Variants in DPYD observed in about 807,000 individuals in gnomAD.
DPYD encodes the protein dihydropyrimidine dehydrogenase [NADP(+)].
Under a neutral mutation model 116.2 loss-of-function variants are expected in DPYD, and 109 were observed. The ratio of observed to expected loss-of-function variants is 0.94; its 90% confidence interval spans 0.80 to 1.10. DPYD has a LOEUF of 1.10. DPYD is among the 50% of genes least tolerant of loss of function. The pLI is 0.00. For missense variants in DPYD, 1,302 were observed against 1,254.5 expected (o/e 1.04, Z -0.57); for synonymous variants, 440 against 432.0 (o/e 1.02, Z -0.23).
At chr1:97,632,878 T>G (rs2100798476) in intron 8 of DPYD, among the ~76,000 whole-genome samples, 1 of 152,234 alleles carries the variant, frequency 6.6e-6, no homozygotes, top group African/African-American at 2.4e-5. Context: ...CACTCAACAT[T>G]TTTACAATTG....
At chr1:97,799,786 C>T (rs1667759306) in intron 3 of DPYD, among the ~76,000 whole-genome samples, 1 of 151,862 alleles carries the variant, frequency 6.6e-6, no homozygotes, top group South Asian at 2.1e-4. Flanking sequence ...GTATTTTATA[C>T]CTGCAGCATT....
At chr1:97,127,244 A>G (rs976093948) in intron 20 of DPYD, among the ~76,000 whole-genome samples, 1 of 152,168 alleles carries the variant, frequency 6.6e-6, no homozygotes, top group Admixed American at 6.6e-5. Context: ...AAAACAGAAC[A>G]TGGAAACTAC....
At position 97,920,890 on chromosome 1, in the gene DPYD, G is replaced by T; in HGVS notation, c.33C>A (p.Asp11Glu). MAPVLSKDSA[D>E]IESILALNPR... ...GCCGGCGCGAAGTCCGTACCTCGAT[G>T]TCCGCCGAGTCCTTACTGAGCACAG... Residue 11 changes from aspartate to glutamate, a missense_variant, in exon 1 of 23, where the codon GAC becomes GAA. Coordinates refer to ENST00000370192, the MANE Select transcript of DPYD (RefSeq NM_000110.4). 1 of 1,593,016 alleles carries T rather than the reference G, an allele frequency of 6.3e-7. No individual in the cohort carries two copies. The highest frequency in any genetic ancestry group is 8.5e-7 in the Non-Finnish European group (1 of 1,170,228).
At chr1:97,695,607 T>C (rs1384271567) in intron 6 of DPYD, among the ~76,000 whole-genome samples, 2 of 150,872 alleles carry the variant, frequency 1.3e-5, no homozygotes, top group Non-Finnish European at 3.0e-5. Context: ...ATATATATAC[T>C]GAAGGAAGGA....
chr1:97,233,428 T>C (rs1279288993), intron 19 of DPYD, among the ~76,000 whole-genome samples: 1 of 151,924 alleles, frequency 6.6e-6, no homozygotes, highest in Non-Finnish European at 1.5e-5. Flanking sequence ...TGATATGGGA[T>C]GGGGGTGAGG....
intron 12 of DPYD, among the ~76,000 whole-genome samples, chr1:97,517,408 G>A (rs1373616343): frequency 6.6e-6 from 1 of 152,088 alleles, no homozygotes; most frequent in Non-Finnish European, 1.5e-5. Flanking sequence ...ACGCATGGAT[G>A]TTAACAATGA....
chr1:97,446,175 T>C (rs1431371708), intron 14 of DPYD, among the ~76,000 whole-genome samples: 4 of 152,154 alleles, frequency 2.6e-5, no homozygotes, highest in Non-Finnish European at 1.5e-5. Flanking sequence ...ACATCAAAAT[T>C]TGAGTAGTTA....
At chr1:97,647,359 T>C (rs1658327196) in intron 8 of DPYD, among the ~76,000 whole-genome samples, 1 of 152,044 alleles carries the variant, frequency 6.6e-6, no homozygotes, top group Admixed American at 6.6e-5. Context: ...GAGCCAAATG[T>C]CTATCTGATT....
chr1:97,390,437 T>G (rs1672630451), intron 14 of DPYD, among the ~76,000 whole-genome samples: 1 of 152,056 alleles, frequency 6.6e-6, no homozygotes, highest in South Asian at 2.1e-4. Context: ...TAATTAACCA[T>G]ACAACATTCA....
intron 5 of DPYD, among the ~76,000 whole-genome samples, chr1:97,719,431 A>G (rs1662799009): frequency 6.6e-6 from 1 of 151,964 alleles, no homozygotes; most frequent in Non-Finnish European, 1.5e-5. Flanking sequence ...ATTTGGTTGA[A>G]AAAATAGATT....
intron 20 of DPYD, among the ~76,000 whole-genome samples, chr1:97,138,529 C>G (rs1472627598): frequency 6.6e-6 from 1 of 152,000 alleles, no homozygotes; most frequent in East Asian, 1.9e-4. Flanking sequence ...AAATATAATC[C>G]GGTGAGCTTG....
Position 97,793,576 on chromosome 1 carries a change from G to A in DPYD, c.233+34538C>T, listed in dbSNP as rs1363311010. 2.0e-5 allele frequency among the ~76,000 whole-genome samples: 3 copies of A among 152,052 alleles called. No individual in the cohort carries two copies. The East Asian group carries it at 5.8e-4, about 29-fold the overall frequency. On this transcript the variant is annotated intron_variant, in intron 3 of 22. Transcript: ENST00000370192. Reference sequence around the variant, plus strand: ...ATACTGACAACTGGTTTTCATAAAAGTGCAAAGTCAATTCCGTGGAGAAAT... The same window carrying A: ...ATACTGACAACTGGTTTTCATAAAAATGCAAAGTCAATTCCGTGGAGAAAT...
chr1:97,620,047 A>C lies in DPYD; in HGVS notation c.851-24881T>G, dbSNP rs547256080. 9.5e-4 allele frequency among the ~76,000 whole-genome samples: 144 copies of C among 152,152 alleles called. 1 individual carries two copies. Among genetic ancestry groups the C allele is most frequent in the African/African-American group, 3.0e-3 (123 of 41,500 alleles). On this transcript the variant is annotated intron_variant, in intron 8 of 22. Coordinates refer to ENST00000370192, the MANE Select transcript of DPYD (RefSeq NM_000110.4). ...TCTCCCAGTATAAGTGAAAAAAAAA[A>C]AAAACATAGGCACTTTGGAATTATT...
chr1:97,292,272 G>T (rs1397047647), intron 18 of DPYD, among the ~76,000 whole-genome samples: 4 of 152,018 alleles, frequency 2.6e-5, no homozygotes, highest in African/African-American at 9.7e-5. Flanking sequence ...CCCGAGACTG[G>T]GTAATGTATA....
At chr1:97,583,922 T>C (rs1009606113) in intron 10 of DPYD, among the ~76,000 whole-genome samples, 7 of 152,204 alleles carry the variant, frequency 4.6e-5, no homozygotes, top group African/African-American at 1.7e-4. Flanking sequence ...CCTTTGGGTA[T>C]ATACCCAGTA....
chr1:97,113,653 T>C (rs1651763014), intron 20 of DPYD, among the ~76,000 whole-genome samples: 1 of 152,140 alleles, frequency 6.6e-6, no homozygotes, highest in African/African-American at 2.4e-5. Context: ...TATTTGAATA[T>C]CAGTTATAAG....
chr1:97,328,152 C>T (rs1044636676), intron 16 of DPYD, among the ~76,000 whole-genome samples: 1 of 152,142 alleles, frequency 6.6e-6, no homozygotes, highest in Non-Finnish European at 1.5e-5. Context: ...GTCTTGCTCA[C>T]ATACAGATCT....
intron 5 of DPYD, among the ~76,000 whole-genome samples, chr1:97,715,682 A>C (rs1219161615): frequency 6.6e-6 from 1 of 152,086 alleles, no homozygotes; most frequent in Non-Finnish European, 1.5e-5. Flanking sequence ...TCTTACTTAT[A>C]AAGCAATCAA....
At chr1:97,654,620 T>C (rs1036237072) in intron 8 of DPYD, among the ~76,000 whole-genome samples, 5 of 152,072 alleles carry the variant, frequency 3.3e-5, no homozygotes, top group Non-Finnish European at 4.4e-5. Context: ...AGCATACCAA[T>C]AGAAAGAATA....
Sources: allele counts gnomAD v4.1 joint callset (sites outside exome capture counted in the v4.1 genomes callset), GRCh38; gene constraint gnomAD v4.1.1; transcripts MANE v1.5; gene names NCBI Gene and HGNC (gene_info 2026-07-23, HGNC 2026-07-21).